The following BRD1 variants were observed in gnomAD, a reference collection of about 807,000 sequenced individuals.
The protein encoded by BRD1 is bromodomain-containing protein 1.
In BRD1, 24 loss-of-function variants were observed where a neutral mutation model predicts 107.7. The observed-to-expected ratio is 0.22, with a 90% CI of 0.16 to 0.31. BRD1 has a LOEUF of 0.31. Among genes scored for constraint, BRD1 ranks in the 10% least tolerant of loss-of-function variants. BRD1 has a pLI of 1.00. For synonymous variants in BRD1, 744 were observed against 686.1 expected, an observed-to-expected ratio of 1.08 and a Z score of -1.32; for missense variants, 1,279 against 1,638.6, an observed-to-expected ratio of 0.78 and a Z score of 3.79.
At chr22:49,821,853 G>C (rs998710689) in intron 2 of BRD1, among the ~76,000 whole-genome samples, 2 of 152,218 alleles carry the variant, frequency 1.3e-5, no homozygotes, top group Admixed American at 6.5e-5. Context: ...CCCCAGCCAA[G>C]CTGCAAGCTC....
chr22:49,787,428 T>A lies in BRD1; in HGVS notation c.2819A>T (p.Glu940Val), dbSNP rs747274946. The A allele has an allele frequency of 9.3e-6, 15 of 1,608,336 alleles. No individual in the cohort carries two copies. The highest frequency in any genetic ancestry group is 1.2e-5 in the Non-Finnish European group (14 of 1,177,202). Residue 940 changes from glutamate (E) to valine (V), a missense_variant, in exon 8 of 13, where the codon GAG (glutamate) becomes GTG (valine). Physicochemically the swap from Glu to Val is moderately radical, Grantham distance 121 (BLOSUM62 -2). Coordinates refer to ENST00000404760, the MANE Select transcript of BRD1 (RefSeq NM_001304808.3). ...CTTTCCTGGGGACTCCTCCTCCACC[T>A]CGGAGTCTCCGCATGTGCTCCGCGA... The part of the protein sequence containing the change: ...KRSRSTCGDS[E>V]VEEESPGKRL...
At chr22:49,775,487 C>T (rs1333998392) in intron 12 of BRD1, 104 bp downstream of exon 12, 3 of 1,119,350 alleles carry the variant, frequency 2.7e-6, no homozygotes, top group Non-Finnish European at 3.5e-6. Context: ...GTGCCAGGGC[C>T]CAGCAGACAA....
intron 1 of BRD1, among the ~76,000 whole-genome samples, chr22:49,826,960 G>C (rs2060153587): frequency 6.6e-6 from 1 of 152,162 alleles, no homozygotes; most frequent in Non-Finnish European, 1.5e-5. Context: ...GCGTCTCCCT[G>C]CAAACGCCCG....
Position 49,804,338 on chromosome 22 carries a change from C to A in BRD1, c.1390G>T (p.Val464Leu). The part of the protein sequence containing the change: ...PQRLNRIANQ[V>L]AIQRKKQFVE... ...AACTGCTTCTTCCGCTGAATGGCCA[C>A]CTGATTCGCAATCCTATTTAACCTA... The change falls in exon 3 of 13, where the codon GTG (valine) becomes TTG (leucine). Residue 464 changes from valine (V) to leucine (L), a missense_variant. Physicochemically the swap from Val to Leu is conservative, Grantham distance 32. This residue lies in a region of BRD1 where 87 missense variants were observed against 77.1 expected (regional missense o/e 1.13). Coordinates refer to ENST00000404760, the MANE Select transcript of BRD1 (RefSeq NM_001304808.3). The A allele has an allele frequency of 6.2e-7, 1 of 1,607,636 alleles. No homozygotes were observed. Among genetic ancestry groups the A allele is most frequent in the South Asian group, 1.1e-5 (1 of 89,496 alleles).
At chr22:49,810,360 A>G (rs188702982) in intron 2 of BRD1, among the ~76,000 whole-genome samples, 124 of 152,264 alleles carry the variant, frequency 8.1e-4, no homozygotes, top group African/African-American at 2.8e-3. Flanking sequence ...CTCTTAAAAT[A>G]TATATATATG....
intron 2 of BRD1, among the ~76,000 whole-genome samples, chr22:49,822,671 C>G (rs1390549701): frequency 6.6e-6 from 1 of 151,894 alleles, no homozygotes; most frequent in Non-Finnish European, 1.5e-5. Flanking sequence ...GATTGCGCCA[C>G]TATACTCCAG....
rs931944431 is a variant in BRD1, at chr22:49,784,517, G to A, written c.2857+2873C>T. Among the ~76,000 whole-genome samples, 17 of 152,368 alleles carry A rather than the reference G, an allele frequency of 1.1e-4. No individual in the cohort carries two copies. In the East Asian group the frequency reaches 2.9e-3, roughly 26 times the overall value. On this transcript the variant is annotated intron_variant, in intron 8 of 12. Coordinates refer to ENST00000404760, the MANE Select transcript of BRD1 (RefSeq NM_001304808.3). ...AGAAGCCTGGCGCACAGCACAGCCGGCCCGCGGGCGACACGGGCAGGAGGC... is the reference window on the plus strand; with the variant it reads ...AGAAGCCTGGCGCACAGCACAGCCGACCCGCGGGCGACACGGGCAGGAGGC...
intron 3 of BRD1, among the ~76,000 whole-genome samples, chr22:49,802,633 T>A (rs112256654): frequency 1.7e-3 from 111 of 63,788 alleles, no homozygotes; most frequent in South Asian, 3.1e-3. Flanking sequence ...ACTCTCTTCC[T>A]TTCCCCAACA....
intron 8 of BRD1, among the ~76,000 whole-genome samples, chr22:49,785,208 T>C (rs1213591378): frequency 6.6e-6 from 1 of 152,238 alleles, no homozygotes; most frequent in African/African-American, 2.4e-5. Context: ...CCGGCAAAAC[T>C]GTCCACAGTG....
rs943617729 is a variant in BRD1, at chr22:49,783,371, G to C, written c.2857+4019C>G. Among the ~76,000 whole-genome samples the C allele has an allele frequency of 1.8e-4, 28 of 152,230 alleles. No homozygotes were observed. Among genetic ancestry groups the C allele is most frequent in the African/African-American group, 6.5e-4 (27 of 41,458 alleles). Reference sequence around the variant, plus strand: ...GGGAAGTAAGGGGAGAAGGAAATCAGGTAGAAAACCCAGAAATACAGAAGA... The same window carrying C: ...GGGAAGTAAGGGGAGAAGGAAATCACGTAGAAAACCCAGAAATACAGAAGA... On this transcript the variant is annotated intron_variant, in intron 8 of 12. Coordinates refer to ENST00000404760, the MANE Select transcript of BRD1 (RefSeq NM_001304808.3). This position sits in a 1 kb window ranked among gnomAD's most constrained non-coding sequence, Gnocchi z 4.2.
At chr22:49,822,633 C>G (rs867571457) in intron 2 of BRD1, among the ~76,000 whole-genome samples, 2 of 151,986 alleles carry the variant, frequency 1.3e-5, no homozygotes, top group African/African-American at 4.8e-5. Context: ...TTGCTTGAAC[C>G]CAGGAGGCGG....
rs895918963 is a variant in BRD1 at position 49,792,304 on chromosome 22, C to G, written c.2359+1730G>C. On this transcript the variant is annotated intron_variant, in intron 7 of 12. Transcript: ENST00000404760. This position sits in a 1 kb window ranked among gnomAD's most constrained non-coding sequence, Gnocchi z 4.2. ...ACCTGCTGGCAACCTCCTCACAGCTCAGTCCTCAGGGCACAGAAGACAAGG... is the reference window on the plus strand; with the variant it reads ...ACCTGCTGGCAACCTCCTCACAGCTGAGTCCTCAGGGCACAGAAGACAAGG... Among the ~76,000 whole-genome samples, 7 of 152,338 alleles carry G rather than the reference C, an allele frequency of 4.6e-5. No individual in the cohort carries two copies. Among genetic ancestry groups the G allele is most frequent in the Admixed American group, 2.6e-4 (4 of 15,306 alleles).
intron 8 of BRD1, among the ~76,000 whole-genome samples, chr22:49,780,883 G>A (rs112358606): frequency 1.1e-4 from 17 of 152,222 alleles, no homozygotes; most frequent in South Asian, 2.1e-4. Context: ...AGGGCCTAAG[G>A]TCTGCAGAGA....
At chr22:49,788,891 G>A (rs1193954638) in intron 7 of BRD1, among the ~76,000 whole-genome samples, 2 of 152,176 alleles carry the variant, frequency 1.3e-5, no homozygotes, top group African/African-American at 2.4e-5. Flanking sequence ...CATTAAACCT[G>A]CAAACTTTCC....
chr22:49,776,531 C>A (rs1001277729), intron 10 of BRD1, among the ~76,000 whole-genome samples: 2 of 152,236 alleles, frequency 1.3e-5, no homozygotes, highest in African/African-American at 2.4e-5. Flanking sequence ...AAACCAAAGT[C>A]CTGGCTCCCC....
intron 9 of BRD1, 35 bp from the exon 10 acceptor site, chr22:49,777,196 C>A: frequency 6.2e-7 from 1 of 1,606,244 alleles, no homozygotes; most frequent in Middle Eastern, 1.7e-4. Flanking sequence ...TCAGGCGCCC[C>A]GCCCCTGCCT....
intron 8 of BRD1, among the ~76,000 whole-genome samples, chr22:49,784,825 G>C (rs984032604): frequency 6.6e-6 from 1 of 152,170 alleles, no homozygotes; most frequent in East Asian, 1.9e-4. Flanking sequence ...GCCCTTCCCC[G>C]GGCGCCTCGG....
intron 7 of BRD1, among the ~76,000 whole-genome samples, chr22:49,791,600 C>T (rs1007460078): frequency 6.6e-6 from 1 of 152,186 alleles, no homozygotes; most frequent in Non-Finnish European, 1.5e-5. Context: ...TTATAAGTAT[C>T]GTAAGTCACA....
chr22:49,826,297 A>C lies in BRD1; in HGVS notation c.-15+1200T>G, dbSNP rs543355819. ...TTTCTACAAGGGGAGAACTGAACCG[A>C]AGGCTTCACGGCCACAGCAGCTCCA... On this transcript the variant is annotated intron_variant, in intron 1 of 12. Coordinates refer to ENST00000404760, the MANE Select transcript of BRD1 (RefSeq NM_001304808.3). 9.5e-5 allele frequency: 93 copies of C among 979,094 alleles called. No homozygotes were observed. In the African/African-American group the frequency reaches 1.5e-3, roughly 16 times the overall value. 60.7% of individuals were successfully genotyped at this position (979,094 alleles called of 1,614,324 possible).
Sources: allele counts gnomAD v4.1 joint callset (sites outside exome capture counted in the v4.1 genomes callset), GRCh38; gene constraint gnomAD v4.1.1; regional missense constraint gnomAD v4.1.1; non-coding constraint Gnocchi (gnomAD v3.1); transcripts MANE v1.5; gene names NCBI Gene and HGNC (gene_info 2026-07-23, HGNC 2026-07-21).